Variants in NUP85 observed in about 807,000 individuals in gnomAD.
NUP85 encodes the protein nucleoporin 85, also known as nuclear pore complex protein Nup85.
NUP85 carries 23 observed loss-of-function variants against 92.8 expected under a neutral mutation model. That is an observed-to-expected ratio of 0.25 (90% CI 0.18 to 0.35). The LOEUF (loss-of-function observed/expected upper bound fraction) is 0.35. Ranked by LOEUF, NUP85 falls within the 10% of genes least tolerant of loss-of-function variation. NUP85 has a pLI of 1.00. For missense variants in NUP85, 759 were observed against 822.8 expected, an observed-to-expected ratio of 0.92 and a Z score of 0.95; for synonymous variants, 314 against 306.9, an observed-to-expected ratio of 1.02 and a Z score of -0.24.
At chr17:75,224,978 GT>G (rs1349695570) in intron 7 of NUP85, 124 bp from the exon 8 acceptor site, 10 of 907,588 alleles carry the variant, frequency 1.1e-5, no homozygotes, top group African/African-American at 1.7e-5. Context: ...GCAGACTCAG[GT>G]GCAGAAAGAA....
In NUP85 at chr17:75,225,822, A is replaced by G; in HGVS notation, c.980A>G (p.Tyr327Cys). 6.3e-7 allele frequency: 1 copy of G among 1,592,158 alleles called. No individual in the cohort carries two copies. Among genetic ancestry groups the G allele is most frequent in the African/African-American group, 1.3e-5 (1 of 74,178 alleles). Residue 327 changes from tyrosine to cysteine, a missense_variant, in exon 10 of 19, where the codon TAT becomes TGT. By Grantham distance (194) the Tyr-to-Cys change is radical. Transcript: ENST00000245544. ...PTVKPIDLHY[Y>C]AQSSLDLFLG... ...GTAAAACCCATTGATCTGCACTACT[A>G]TGCCCAGGTGAGTGAGCTCGGGGTG...
chr17:75,227,312 GTGTT>G (rs2075837354), intron 11 of NUP85, among the ~76,000 whole-genome samples: 2 of 143,336 alleles, frequency 1.4e-5, no homozygotes, highest in Non-Finnish European at 1.5e-5. Flanking sequence ...AGTTTTTTGT[GTGTT>G]TGTTTCTGGG....
At position 75,209,922 on chromosome 17, in the gene NUP85, A is replaced by G; in HGVS notation, c.227A>G (p.His76Arg). Residue 76 changes from histidine to arginine, a missense_variant, in exon 3 of 19, where the codon CAT (histidine) becomes CGT (arginine). Coordinates refer to ENST00000245544, the MANE Select transcript of NUP85 (RefSeq NM_024844.5). ...TTGAGAAAACTCTTCAATGAATCCC[A>G]TGGAATCTTTCTGGGCCTCCAGAGA... ...QILRKLFNES[H>R]GIFLGLQRID... The G allele has an allele frequency of 6.3e-7, 1 of 1,585,966 alleles. No individual in the cohort carries two copies. Among genetic ancestry groups the G allele is most frequent in the South Asian group, 1.2e-5 (1 of 85,300 alleles).
intron 3 of NUP85, 95 bp downstream of exon 3, chr17:75,210,080 G>A (rs1056540610): frequency 2.1e-5 from 27 of 1,275,228 alleles, no homozygotes; most frequent in Middle Eastern, 3.8e-4. Flanking sequence ...TATGGGTTGC[G>A]TAAAGAAATA....
chr17:75,223,161 G>T (rs1447077046), intron 7 of NUP85, among the ~76,000 whole-genome samples: 1 of 152,000 alleles, frequency 6.6e-6, no homozygotes, highest in Non-Finnish European at 1.5e-5. Context: ...CTACACGTGG[G>T]GACCCAAGAA....
At chr17:75,226,248 C>CAA (rs1471773150) in intron 11 of NUP85, 91 bp downstream of exon 11, 1 of 959,966 alleles carries the variant, frequency 1.0e-6, no homozygotes, top group Non-Finnish European at 1.6e-6. Flanking sequence ...CCTTCCTTAC[C>CAA]CTTCTTCCCT....
In NUP85 at chr17:75,231,456, C is replaced by G; in HGVS notation, c.1178+33C>G. 3.7e-6 allele frequency: 6 copies of G among 1,612,776 alleles called. No individual in the cohort carries two copies. Among genetic ancestry groups the G allele is most frequent in the Middle Eastern group, 1.7e-4 (1 of 6,056 alleles). The stretch of plus-strand genomic sequence containing the variant: ...GCCGGGAGGCACCGATCCTCCTCTT[C>G]TTACCACCAGGCCCCCGAGGGTGGT... On this transcript the variant is annotated intron_variant, in intron 12 of 18. Transcript: ENST00000245544. The surrounding 1 kb of genome is among the most constrained non-coding windows in gnomAD (Gnocchi z 4.6).
intron 7 of NUP85, among the ~76,000 whole-genome samples, chr17:75,221,039 G>A (rs111407678): frequency 0.06 from 9,127 of 151,702 alleles, 730 homozygotes; most frequent in African/African-American, 0.17. Flanking sequence ...CTGCCACCAC[G>A]CCTGGCTAAT....
At chr17:75,232,763 C>A in intron 14 of NUP85, 88 bp from the exon 15 acceptor site, 2 of 1,149,700 alleles carry the variant, frequency 1.7e-6, no homozygotes, top group Non-Finnish European at 2.6e-6. Flanking sequence ...TGGAGTGAGG[C>A]TGTGAGGCCA....
chr17:75,225,505 A>G (rs1047027011), intron 9 of NUP85, 41 bp downstream of exon 9: 2 of 1,604,644 alleles, frequency 1.2e-6, no homozygotes, highest in Admixed American at 1.7e-5. Flanking sequence ...TTGGCTTCCT[A>G]TGGGGGCTGT....
chr17:75,232,990 T>A, intron 15 of NUP85, 22 bp downstream of exon 15: 1 of 1,613,226 alleles, frequency 6.2e-7, no homozygotes, highest in Non-Finnish European at 8.5e-7. Flanking sequence ...TAGTGTTGGC[T>A]TCCCAGGGAC....
intron 11 of NUP85, chr17:75,229,234 C>T (rs2075947040): frequency 1.2e-6 from 1 of 838,244 alleles, no homozygotes; most frequent in African/African-American, 1.8e-5. Context: ...ATCTTGGATG[C>T]AGGGTGCAGC....
At chr17:75,222,252 C>G (rs2075617400) in intron 7 of NUP85, among the ~76,000 whole-genome samples, 1 of 152,042 alleles carries the variant, frequency 6.6e-6, no homozygotes, top group Non-Finnish European at 1.5e-5. Context: ...GCCATGTTGT[C>G]CAGGCTGGTC....
chr17:75,212,241 GTTGTTGTTTTTTTTTTTTTTTTTTT>G (rs2075292856), intron 4 of NUP85, among the ~76,000 whole-genome samples, 179 bp downstream of exon 4: 2 of 2,766 alleles, frequency 7.2e-4, no homozygotes, highest in Non-Finnish European at 2.5e-3. Context: ...TTTTTTTTTT[GTTGTTGTTTTTTTTTTTTTTTTTTT>G]TTTTTTTTTT....
rs142101082 is a variant in NUP85, at chr17:75,235,352, T to C, written c.1869+151T>C. On this transcript the variant is annotated intron_variant, in intron 18 of 18. Transcript: ENST00000245544. The stretch of plus-strand genomic sequence containing the variant: ...CTGTGTAATTCACACACCACCTTCT[T>C]TTAGGAGAAAATCAGGGATTCTAGT... 1.4e-5 allele frequency: 9 copies of C among 627,658 alleles called. No homozygotes were observed. In the African/African-American group the frequency reaches 1.6e-4, roughly 12 times the overall value. The allele number at this position is 627,658 out of a possible 1,614,324, so 38.9% of individuals were successfully genotyped here.
chr17:75,220,745 C>T (rs541120869), intron 7 of NUP85, among the ~76,000 whole-genome samples: 2 of 151,594 alleles, frequency 1.3e-5, no homozygotes, highest in African/African-American at 4.8e-5. Flanking sequence ...CCATGATGCC[C>T]AGCTGGTTTT....
chr17:75,212,990 C>G, intron 4 of NUP85, 86 bp from the exon 5 acceptor site: 4 of 1,245,978 alleles, frequency 3.2e-6, no homozygotes, highest in Non-Finnish European at 4.6e-6. Context: ...TAAACAGAGG[C>G]TCAAGCCATA....
rs1006120250 is a variant in NUP85, at chr17:75,232,739, G to A, written c.1397-112G>A. The A allele has an allele frequency of 3.4e-6, 3 of 883,570 alleles. No individual in the cohort carries two copies. The African/African-American group carries it at 4.9e-5, about 14-fold the overall frequency. 54.7% of individuals were successfully genotyped at this position (883,570 alleles called of 1,614,324 possible). A position where few individuals can be genotyped will look rare whatever the true frequency, so the allele number is the denominator to read the frequency against. The stretch of plus-strand genomic sequence containing the variant: ...GATCCAGCTGCATTTAGAGCCCAAA[G>A]AGTGGCTCTGCGGTGGAGTGAGGCT... On this transcript the variant is annotated intron_variant, in intron 14 of 18. Coordinates refer to ENST00000245544, the MANE Select transcript of NUP85 (RefSeq NM_024844.5).
Position 75,209,851 on chromosome 17 carries a change from C to T in NUP85, c.156C>T (p.Pro52=). ...KEKSEMVPSC[P]FIYIIRKDVD... Reference sequence around the variant, plus strand: ...AATCAGAGATGGTGCCAAGTTGCCCCTTTATCTATATCATCCGTAAGGATG... The same window carrying T: ...AATCAGAGATGGTGCCAAGTTGCCCTTTTATCTATATCATCCGTAAGGATG... The change falls in exon 3 of 19, where the codon CCC becomes CCT. Residue 52 remains proline (P), a synonymous_variant. Coordinates refer to ENST00000245544, the MANE Select transcript of NUP85 (RefSeq NM_024844.5). 6.3e-7 allele frequency: 1 copy of T among 1,576,184 alleles called. No individual in the cohort carries two copies. Among genetic ancestry groups the T allele is most frequent in the Non-Finnish European group, 8.6e-7 (1 of 1,169,194 alleles).
Sources: allele counts gnomAD v4.1 joint callset (sites outside exome capture counted in the v4.1 genomes callset), GRCh38; gene constraint gnomAD v4.1.1; non-coding constraint Gnocchi (gnomAD v3.1); transcripts MANE v1.5; gene names NCBI Gene and HGNC (gene_info 2026-07-23, HGNC 2026-07-21).